Variants in ATP11C observed in about 807,000 individuals in gnomAD.
ATP11C encodes ATPase phospholipid transporting 11C (ATP11C blood group), also known as phospholipid-transporting ATPase IG.
A neutral mutation model predicts 97.4 loss-of-function variants in ATP11C; 36 were observed. That is an observed-to-expected ratio of 0.37 (90% CI 0.28 to 0.49). The LOEUF (loss-of-function observed/expected upper bound fraction) is 0.49. Ranked by LOEUF, ATP11C falls within the 20% of genes least tolerant of loss-of-function variation. The pLI is 0.98. For missense variants in ATP11C, 730 were observed against 824.6 expected (o/e 0.89, Z 1.40); for synonymous variants, 275 against 290.9 (o/e 0.95, Z 0.56).
At chrX:139,781,476 G>A (rs763266971) in intron 18 of ATP11C, among the ~76,000 whole-genome samples, 2 of 112,377 alleles carry the variant, frequency 1.8e-5, no homozygotes, top group African/African-American at 6.4e-5. Flanking sequence ...CACTTTCGGA[G>A]GTCAAGACAG....
rs772716732 is a variant in ATP11C, at chrX:139,782,628, T to C, written c.1871A>G (p.Asp624Gly). Residue 624 changes from aspartate to glycine, a missense_variant, in exon 18 of 30, where the codon GAC (aspartate) becomes GGC (glycine). Transcript: ENST00000682941. ...QLIEAKMALQ[D>G]REEKMEKVFD... ...AACTTTTTCCATTTTTTCTTCTCTG[T>C]CTTGTAAGGCCATTTTTGCCTCTAT... 3 of 1,201,696 alleles carry C rather than the reference T, an allele frequency of 2.5e-6. No individual in the cohort carries two copies. The highest frequency in any genetic ancestry group is 2.2e-5 in the Admixed American group (1 of 45,480).
intron 20 of ATP11C, among the ~76,000 whole-genome samples, chrX:139,767,546 C>T (rs777138271): frequency 7.1e-4 from 79 of 111,372 alleles, no homozygotes; most frequent in Non-Finnish European, 4.3e-4. Flanking sequence ...ATTTTTGTGA[C>T]GGTAGGGAAT....
chrX:139,829,714 A>G (rs1436878128), intron 1 of ATP11C, among the ~76,000 whole-genome samples: 1 of 111,618 alleles, frequency 9.0e-6, no homozygotes, highest in Admixed American at 9.5e-5. Flanking sequence ...ACTACATAAT[A>G]AAGTATGGCA....
chrX:139,920,588 T>C (rs1365367675), intron 1 of ATP11C, among the ~76,000 whole-genome samples: 4 of 111,468 alleles, frequency 3.6e-5, no homozygotes, highest in African/African-American at 1.3e-4. Context: ...GGAAATGTGC[T>C]GGAATTAGAT....
chrX:139,869,619 T>TAA (rs72160192), intron 1 of ATP11C, among the ~76,000 whole-genome samples: 5 of 54,175 alleles, frequency 9.2e-5, no homozygotes, highest in South Asian at 2.4e-3. Flanking sequence ...CCCTCTCTAC[T>TAA]AAAAAAAAAA....
At chrX:139,801,474 G>A (rs1372197261) in intron 7 of ATP11C, among the ~76,000 whole-genome samples, 1 of 112,122 alleles carries the variant, frequency 8.9e-6, no homozygotes, top group African/African-American at 3.2e-5. Flanking sequence ...CTAGGTGTTA[G>A]TGTAAACCAC....
At chrX:139,873,706 CAAAAAA>C (rs58064711) in intron 1 of ATP11C, among the ~76,000 whole-genome samples, 5 of 17,321 alleles carry the variant, frequency 2.9e-4, no homozygotes, top group African/African-American at 8.0e-4. Flanking sequence ...GACTCCAACT[CAAAAAA>C]AAAAAAAAAA....
intron 3 of ATP11C, 92 bp from the exon 4 acceptor site, chrX:139,817,035 CAT>C (rs2083300858): frequency 7.7e-6 from 4 of 519,420 alleles, no homozygotes; most frequent in South Asian, 3.5e-5. Context: ...CAAACAGAAA[CAT>C]AGACAAAACA....
chrX:139,841,964 C>T lies in ATP11C; in HGVS notation c.28-15141G>A, dbSNP rs1449472176. 7.1e-5 allele frequency among the ~76,000 whole-genome samples: 8 copies of T among 112,311 alleles called. No individual in the cohort carries two copies. In the East Asian group the frequency reaches 1.7e-3, roughly 24 times the overall value. ...TTATAACTCAAAGACAGGCCCATTGCTATCCAAGGCTCCACTTATCTTGCC... is the reference window on the plus strand; with the variant it reads ...TTATAACTCAAAGACAGGCCCATTGTTATCCAAGGCTCCACTTATCTTGCC... On this transcript the variant is annotated intron_variant, in intron 1 of 29. Transcript: ENST00000682941.
intron 15 of ATP11C, 63 bp downstream of exon 15, chrX:139,787,110 G>A: frequency 1.7e-6 from 2 of 1,196,959 alleles, no homozygotes; most frequent in South Asian, 1.8e-5. Flanking sequence ...TGCCCTGCCT[G>A]AATCCACTTA....
chrX:139,932,397 C>G lies in ATP11C; in HGVS notation c.-355G>C, dbSNP rs2085455192. The G allele has an allele frequency of 9.1e-6, 1 of 109,725 alleles. No individual in the cohort carries two copies. Among genetic ancestry groups the G allele is most frequent in the South Asian group, 3.8e-4 (1 of 2,614 alleles). The allele number at this position is 109,725 out of a possible 1,213,427, so 9.0% of individuals were successfully genotyped here. On this transcript the variant is annotated 5_prime_UTR_variant, in exon 1 of 30. Transcript: ENST00000682941. ...GCGGGGGAAGGATGGCGGAGGAGCG[C>G]GAGGCTCCTCCTGTGGGGAGGGGGC...
chrX:139,788,420 A>T lies in ATP11C; in HGVS notation c.1369-77T>A, dbSNP rs1603367287. ...TAACTAGGCAGTGAACGGAGAAAAT[A>T]TATTAATGTGAGAGAATGTTGTAAC... On this transcript the variant is annotated intron_variant, in intron 13 of 29. Coordinates refer to ENST00000682941, the MANE Select transcript of ATP11C (RefSeq NM_001353812.2). 3.3e-6 allele frequency: 3 copies of T among 914,414 alleles called. No homozygotes were observed. The East Asian group carries it at 9.4e-5, about 29-fold the overall frequency. The allele number at this position is 914,414 out of a possible 1,213,427, so 75.4% of individuals were successfully genotyped here.
chrX:139,903,804 A>C (rs971464291), intron 1 of ATP11C, among the ~76,000 whole-genome samples: 1 of 110,465 alleles, frequency 9.1e-6, no homozygotes, highest in Non-Finnish European at 1.9e-5. Flanking sequence ...TGTTTAAGCT[A>C]CCCAGTCTGT....
chrX:139,757,779 T>C (rs994964174), intron 23 of ATP11C, 29 bp downstream of exon 23: 5 of 1,073,114 alleles, frequency 4.7e-6, no homozygotes, highest in African/African-American at 1.9e-5. Context: ...ATGTAAACTA[T>C]ATTATAACGA....
chrX:139,761,245 T>C (rs1473033201), intron 22 of ATP11C, among the ~76,000 whole-genome samples: 2 of 111,602 alleles, frequency 1.8e-5, no homozygotes, highest in Non-Finnish European at 3.8e-5. Flanking sequence ...CACTCCAGCC[T>C]GAGCAACAGA....
At chrX:139,916,776 G>A (rs1048373176) in intron 1 of ATP11C, among the ~76,000 whole-genome samples, 16 of 111,202 alleles carry the variant, frequency 1.4e-4, no homozygotes, top group African/African-American at 4.9e-4. Context: ...AAATCCATAT[G>A]GAATCTTAAG....
chrX:139,803,390 A>C (rs1168708352), intron 6 of ATP11C, among the ~76,000 whole-genome samples: 1 of 111,206 alleles, frequency 9.0e-6, no homozygotes, highest in African/African-American at 3.3e-5. Context: ...TCAACTCCAG[A>C]TGGAATAAAC....
chrX:139,934,599 CTGGAGT>C (rs1191821562), upstream of ATP11C, among the ~76,000 whole-genome samples: 2 of 98,492 alleles, frequency 2.0e-5, no homozygotes, highest in Non-Finnish European at 4.0e-5. Context: ...GTCACCCAGG[CTGGAGT>C]GCAGTGGCGC....
intron 1 of ATP11C, among the ~76,000 whole-genome samples, chrX:139,839,579 G>A (rs1353286427): frequency 1.8e-5 from 2 of 110,633 alleles, no homozygotes; most frequent in Non-Finnish European, 3.8e-5. Flanking sequence ...AGGGGAGACC[G>A]GGCATTCATC....
Sources: gnomAD v4.1 joint callset for allele counts (sites outside exome capture counted in the v4.1 genomes callset) on GRCh38, gnomAD v4.1.1 for gene constraint, MANE v1.5 for transcripts, NCBI Gene and HGNC (gene_info 2026-07-23, HGNC 2026-07-21) for gene names.